Variants in GRID2 observed in about 807,000 individuals in gnomAD.
The protein encoded by GRID2 is glutamate receptor ionotropic, delta-2.
A neutral mutation model predicts 114.8 loss-of-function variants in GRID2; 33 were observed. The ratio of observed to expected loss-of-function variants is 0.29; its 90% CI spans 0.22 to 0.38. The LOEUF is 0.38. GRID2 is among the 10% of genes least tolerant of loss of function. The probability of loss-of-function intolerance (pLI) is 1.00; values close to 1 mark genes in which losing one functional copy is unlikely to be tolerated. For missense variants in GRID2, 1,184 were observed against 1,257.7 expected (o/e 0.94, Z 0.89); for synonymous variants, 505 against 449.9 (o/e 1.12, Z -1.55).
chr4:92,428,291 T>C (rs1240906960), intron 1 of GRID2, among the ~76,000 whole-genome samples: 1 of 151,934 alleles, frequency 6.6e-6, no homozygotes, highest in Non-Finnish European at 1.5e-5. Flanking sequence ...AATAATAGTT[T>C]TGAAAAACAT....
rs556704072 is a variant in GRID2 at position 92,344,005 on chromosome 4, T to C, written c.88+39261T>C. On this transcript the variant is annotated intron_variant, in intron 1 of 15. Transcript: ENST00000282020. ...CCTCCTTGTCTTCACATTAAATAGG[T>C]AGAGGAAAAACAGGAAGAGGAGGAG... is the stretch of plus-strand genomic sequence containing the variant. Among the ~76,000 whole-genome samples the C allele has an allele frequency of 2.0e-5, 3 of 152,208 alleles. No individual in the cohort carries two copies. In the South Asian group the frequency reaches 6.2e-4, roughly 32 times the overall value.
rs1453532907 is a variant in GRID2 at position 92,552,207 on chromosome 4, T to C, written c.89-37924T>C. On this transcript the variant is annotated intron_variant, in intron 1 of 15. Coordinates refer to ENST00000282020, the MANE Select transcript of GRID2 (RefSeq NM_001510.4). ...AGACCAAAGTCAGAGCTTAAAACCA[T>C]ACTGATACTAGAATGCAGAATGGGC... Among the ~76,000 whole-genome samples the C allele has an allele frequency of 2.7e-5, 4 of 147,886 alleles. No individual in the cohort carries two copies. In the Admixed American group the frequency reaches 2.7e-4, roughly 10 times the overall value.
At position 92,428,264 on chromosome 4, in the gene GRID2, G is replaced by GTAA. The variant is rs772512359; in HGVS notation, c.88+123541_88+123543dup. Among the ~76,000 whole-genome samples the GTAA allele has an allele frequency of 1.5e-3, 227 of 151,030 alleles. 1 individual carries two copies. Among genetic ancestry groups the GTAA allele is most frequent in the African/African-American group, 3.8e-3 (157 of 41,246 alleles). On this transcript the variant is annotated intron_variant, in intron 1 of 15. Coordinates refer to ENST00000282020, the MANE Select transcript of GRID2 (RefSeq NM_001510.4). ...GCAACAGAACGAGACTCCTCACAAA[G>GTAA]TAATAATAATAATAATAATAATAGT...
chr4:93,225,945 C>T (rs535979101), intron 7 of GRID2, among the ~76,000 whole-genome samples: 13 of 152,132 alleles, frequency 8.5e-5, no homozygotes, highest in African/African-American at 1.4e-4. Flanking sequence ...CAAGATAGAG[C>T]GAAAAAGGGG....
intron 1 of GRID2, among the ~76,000 whole-genome samples, chr4:92,488,051 G>A (rs185103676): frequency 4.1e-3 from 620 of 152,094 alleles, no homozygotes; most frequent in Non-Finnish European, 6.7e-3. Flanking sequence ...CAACTGTGTC[G>A]ATTCTGTTGA....
intron 1 of GRID2, among the ~76,000 whole-genome samples, chr4:92,381,257 A>T (rs1430244814): frequency 6.6e-6 from 1 of 152,066 alleles, no homozygotes; most frequent in East Asian, 1.9e-4. Flanking sequence ...ACTGAACCAA[A>T]ATCTGAAGTT....
At chr4:92,475,129 A>T (rs1010405103) in intron 1 of GRID2, among the ~76,000 whole-genome samples, 15 of 144,852 alleles carry the variant, frequency 1.0e-4, no homozygotes, top group South Asian at 4.3e-4. Context: ...TAATAATAAT[A>T]AATAATAATA....
At chr4:93,119,378 C>T (rs947394442) in intron 4 of GRID2, among the ~76,000 whole-genome samples, 2 of 151,952 alleles carry the variant, frequency 1.3e-5, no homozygotes, top group African/African-American at 4.8e-5. Context: ...GCATTTGTTG[C>T]TGTGTACATT....
chr4:92,836,362 C>T (rs1742460703), intron 2 of GRID2, among the ~76,000 whole-genome samples: 1 of 152,064 alleles, frequency 6.6e-6, no homozygotes, highest in South Asian at 2.1e-4. Context: ...CAAAACTCCA[C>T]TGTATAATCA....
chr4:93,781,750 G>A (rs146562426), intron 1 of GRID2, among the ~76,000 whole-genome samples: 146 of 152,138 alleles, frequency 9.6e-4, no homozygotes, highest in African/African-American at 3.4e-3. Context: ...TACAGTTTAG[G>A]GAATAATGAC....
At chr4:92,968,668 A>G (rs1184972099) in intron 2 of GRID2, among the ~76,000 whole-genome samples, 1 of 151,886 alleles carries the variant, frequency 6.6e-6, no homozygotes. Context: ...AAACATTGCC[A>G]CATTGTAATT....
chr4:93,110,101 A>G (rs1269542932), intron 3 of GRID2, among the ~76,000 whole-genome samples: 1 of 152,172 alleles, frequency 6.6e-6, no homozygotes, highest in Non-Finnish European at 1.5e-5. Flanking sequence ...TATGTTTTGC[A>G]CATTAAGTAT....
chr4:92,991,726 A>G (rs550382666), intron 2 of GRID2, among the ~76,000 whole-genome samples: 1 of 152,296 alleles, frequency 6.6e-6, no homozygotes, highest in East Asian at 1.9e-4. Context: ...ATGAATAAAA[A>G]CTAAATTTAA....
chr4:92,693,914 AT>A (rs1049751100), intron 2 of GRID2, among the ~76,000 whole-genome samples: 1 of 152,166 alleles, frequency 6.6e-6, no homozygotes, highest in East Asian at 1.9e-4. Context: ...GTGTGAAAAT[AT>A]TTTTTTAACA....
intron 3 of GRID2, among the ~76,000 whole-genome samples, chr4:93,099,674 T>C (rs1166539304): frequency 2.0e-5 from 3 of 151,786 alleles, no homozygotes; most frequent in Non-Finnish European, 4.4e-5. Context: ...ACTGAAAACA[T>C]TGATTTAATG....
chr4:92,460,676 G>A lies in GRID2; in HGVS notation c.89-129455G>A, dbSNP rs961977814. Reference sequence around the variant, plus strand: ...TTGTGGCATTAGGTTGTAGATTTGTGATCTTCCTATATTTTTGATGAAGGC... The same window carrying A: ...TTGTGGCATTAGGTTGTAGATTTGTAATCTTCCTATATTTTTGATGAAGGC... On this transcript the variant is annotated intron_variant, in intron 1 of 15. Coordinates refer to ENST00000282020, the MANE Select transcript of GRID2 (RefSeq NM_001510.4). Among the ~76,000 whole-genome samples, 2 of 152,020 alleles carry A rather than the reference G, an allele frequency of 1.3e-5. 1 individual carries two copies. Among genetic ancestry groups the A allele is most frequent in the Admixed American group, 1.3e-4 (2 of 15,234 alleles).
intron 2 of GRID2, among the ~76,000 whole-genome samples, chr4:92,759,922 A>T (rs765568199): frequency 5.3e-5 from 8 of 151,840 alleles, no homozygotes; most frequent in Non-Finnish European, 1.2e-4. Flanking sequence ...GACAGTGCTC[A>T]GCCTGCTCTC....
chr4:92,419,337 C>G (rs75982307), intron 1 of GRID2, among the ~76,000 whole-genome samples: 3,541 of 152,186 alleles, frequency 0.023, 145 homozygotes, highest in African/African-American at 0.081. Flanking sequence ...TAATCTGCCT[C>G]TAGAAGTAAT....
intron 14 of GRID2, among the ~76,000 whole-genome samples, chr4:93,706,314 A>G (rs1005434927): frequency 5.9e-5 from 9 of 152,226 alleles, no homozygotes; most frequent in African/African-American, 2.2e-4. Context: ...ATTCATGAAC[A>G]TGAAATGTCT....
Sources: gnomAD v4.1 joint callset for allele counts (sites outside exome capture counted in the v4.1 genomes callset) on GRCh38, gnomAD v4.1.1 for gene constraint, MANE v1.5 for transcripts, NCBI Gene and HGNC (gene_info 2026-07-23, HGNC 2026-07-21) for gene names.